Variants in KCND2 observed in about 807,000 individuals in gnomAD.
The protein encoded by KCND2 is A-type voltage-gated potassium channel KCND2.
Under a neutral mutation model 54.4 loss-of-function variants are expected in KCND2, and 16 were observed. That is an observed-to-expected ratio of 0.29 (90% confidence interval 0.20 to 0.45). The LOEUF is 0.45. KCND2 is among the 20% of genes least tolerant of loss of function. The pLI is 1.00. For synonymous variants in KCND2, 317 were observed against 310.7 expected, an observed-to-expected ratio of 1.02 and a Z score of -0.21; for missense variants, 486 against 824.2, an observed-to-expected ratio of 0.59 and a Z score of 5.02.
At chr7:120,304,575 C>T (rs946848989) in intron 1 of KCND2, among the ~76,000 whole-genome samples, 2 of 152,138 alleles carry the variant, frequency 1.3e-5, no homozygotes, top group Non-Finnish European at 1.5e-5. Flanking sequence ...CATCAATCTT[C>T]GTTTTAACGT....
intron 1 of KCND2, among the ~76,000 whole-genome samples, chr7:120,331,795 A>T (rs1375466060): frequency 6.6e-6 from 1 of 152,050 alleles, no homozygotes; most frequent in Non-Finnish European, 1.5e-5. Flanking sequence ...TCAAGTGAAA[A>T]TCTCCAAAGA....
At chr7:120,300,396 C>T (rs2116293766) in intron 1 of KCND2, among the ~76,000 whole-genome samples, 1 of 152,148 alleles carries the variant, frequency 6.6e-6, no homozygotes, top group Non-Finnish European at 1.5e-5. Context: ...TATCTTTAAG[C>T]TCTGGATTTG....
chr7:120,485,059 T>C (rs1157449623), intron 1 of KCND2, among the ~76,000 whole-genome samples: 1 of 151,934 alleles, frequency 6.6e-6, no homozygotes, highest in Non-Finnish European at 1.5e-5. Flanking sequence ...GCTAACTTTT[T>C]TTATTTTTAG....
At chr7:120,547,274 T>A (rs879674452) in intron 1 of KCND2, among the ~76,000 whole-genome samples, 1 of 151,974 alleles carries the variant, frequency 6.6e-6, no homozygotes, top group African/African-American at 2.4e-5. Context: ...CCAAAATCCC[T>A]TGGGCTTGCA....
At chr7:120,375,885 G>A (rs1563026181) in intron 1 of KCND2, among the ~76,000 whole-genome samples, 1 of 151,694 alleles carries the variant, frequency 6.6e-6, no homozygotes. Context: ...AGATATGTAG[G>A]GCTTTAGTGG....
intron 1 of KCND2, among the ~76,000 whole-genome samples, chr7:120,679,762 C>T (rs1184202180): frequency 1.3e-5 from 2 of 152,008 alleles, no homozygotes; most frequent in African/African-American, 4.8e-5. Context: ...AAATTTTCTC[C>T]ATTTCTCTGT....
intron 1 of KCND2, among the ~76,000 whole-genome samples, chr7:120,646,562 T>C (rs1196976213): frequency 6.6e-6 from 1 of 152,262 alleles, no homozygotes; most frequent in Non-Finnish European, 1.5e-5. Flanking sequence ...TTTTTGCCTA[T>C]GGCAACATGC....
chr7:120,511,767 G>A (rs1360173781), intron 1 of KCND2, among the ~76,000 whole-genome samples: 1 of 152,052 alleles, frequency 6.6e-6, no homozygotes, highest in Non-Finnish European at 1.5e-5. Context: ...AGATTTTAAT[G>A]AGGAGAAAAC....
In KCND2 at chr7:120,745,904, C is replaced by T; in HGVS notation, c.1592C>T (p.Ser531Leu). The change falls in exon 5 of 6, where the codon TCA (serine) becomes TTA (leucine). Residue 531 changes from serine (S) to leucine (L), a missense_variant. By Grantham distance (145) the Ser-to-Leu change is moderately radical. Transcript: ENST00000331113. ...SQQGVTSTCC[S>L]RRHKKTFRIP... ...CAAGGAGTCACCAGCACCTGCTGTT[C>T]ACGACGACACAAAAAAACTTTTCGC... 6.2e-7 allele frequency: 1 copy of T among 1,613,888 alleles called. No homozygotes were observed. Among genetic ancestry groups the T allele is most frequent in the Non-Finnish European group, 8.5e-7 (1 of 1,179,852 alleles).
intron 1 of KCND2, among the ~76,000 whole-genome samples, chr7:120,447,152 ATACT>A: frequency 6.6e-6 from 1 of 152,260 alleles, no homozygotes. Context: ...CCCAAAGCCC[ATACT>A]TATACTATAC....
rs542298061 is a variant in KCND2 at position 120,491,975 on chromosome 7, A to G, written c.1115+216228A>G. Reference sequence around the variant, plus strand: ...AATCTAATCAAACTTTTAATTGACTATACCTTGCAAACTGATGGTTGTAGT... The same window carrying G: ...AATCTAATCAAACTTTTAATTGACTGTACCTTGCAAACTGATGGTTGTAGT... On this transcript the variant is annotated intron_variant, in intron 1 of 5. Transcript: ENST00000331113. Among the ~76,000 whole-genome samples the G allele has an allele frequency of 6.6e-5, 10 of 152,272 alleles. No individual in the cohort carries two copies. In the East Asian group the frequency reaches 1.9e-3, roughly 29 times the overall value.
intron 1 of KCND2, among the ~76,000 whole-genome samples, chr7:120,353,383 C>T (rs750401393): frequency 6.6e-5 from 10 of 151,844 alleles, no homozygotes; most frequent in Non-Finnish European, 1.2e-4. Flanking sequence ...TTGTTTATGC[C>T]GCAGGCTTTT....
At chr7:120,438,760 T>C (rs577913659) in intron 1 of KCND2, among the ~76,000 whole-genome samples, 21 of 152,290 alleles carry the variant, frequency 1.4e-4, no homozygotes, top group Admixed American at 5.2e-4. Flanking sequence ...AGGATATCTT[T>C]CTTTGATTCC....
At chr7:120,472,983 G>T (rs1196450828) in intron 1 of KCND2, among the ~76,000 whole-genome samples, 1 of 152,172 alleles carries the variant, frequency 6.6e-6, no homozygotes, top group Non-Finnish European at 1.5e-5. Context: ...GACAGTAGTG[G>T]ATAGGAGTTC....
At chr7:120,517,521 A>G (rs967174002) in intron 1 of KCND2, among the ~76,000 whole-genome samples, 6 of 152,118 alleles carry the variant, frequency 3.9e-5, no homozygotes, top group Non-Finnish European at 7.4e-5. Flanking sequence ...TTAAAATGCA[A>G]TCTTTTTCAC....
chr7:120,708,734 C>A (rs1792500835), intron 1 of KCND2, among the ~76,000 whole-genome samples: 1 of 152,022 alleles, frequency 6.6e-6, no homozygotes, highest in Admixed American at 6.6e-5. Context: ...ATTTCACCAC[C>A]CCAAATAAAT....
chr7:120,298,838 G>A (rs1799546842), intron 1 of KCND2, among the ~76,000 whole-genome samples: 1 of 152,110 alleles, frequency 6.6e-6, no homozygotes, highest in Admixed American at 6.6e-5. Context: ...GTTGGTTCTT[G>A]CTGAATCACA....
chr7:120,727,852 G>A (rs1792753537), intron 1 of KCND2, among the ~76,000 whole-genome samples: 1 of 151,858 alleles, frequency 6.6e-6, no homozygotes, highest in Non-Finnish European at 1.5e-5. Flanking sequence ...AAGAGTATGG[G>A]GGGCCGGGCA....
intron 1 of KCND2, among the ~76,000 whole-genome samples, chr7:120,646,805 G>C (rs971982392): frequency 1.2e-4 from 18 of 152,184 alleles, no homozygotes; most frequent in African/African-American, 4.1e-4. Flanking sequence ...CCTTTAGAAA[G>C]ATAACAATTT....
Sources: gnomAD v4.1 joint callset for allele counts (sites outside exome capture counted in the v4.1 genomes callset) on GRCh38, gnomAD v4.1.1 for gene constraint, MANE v1.5 for transcripts, NCBI Gene and HGNC (gene_info 2026-07-23, HGNC 2026-07-21) for gene names.